Variants in MCTP1 observed in about 807,000 individuals in gnomAD.
MCTP1 encodes multiple C2 and transmembrane domain-containing protein 1.
MCTP1 carries 69 observed loss-of-function variants against 120.6 expected under a neutral mutation model. That is an observed-to-expected ratio of 0.57 (90% CI 0.47 to 0.70). The LOEUF is 0.70. Ranked by LOEUF, MCTP1 falls within the 30% of genes least tolerant of loss-of-function variation. The probability of loss-of-function intolerance (pLI) is 0.00; values close to 1 mark genes in which losing one functional copy is unlikely to be tolerated. For missense variants in MCTP1, 1,203 were observed against 1,248.8 expected, an observed-to-expected ratio of 0.96 and a Z score of 0.55; for synonymous variants, 529 against 493.1, an observed-to-expected ratio of 1.07 and a Z score of -0.96.
chr5:94,762,425 C>T (rs937338352), intron 19 of MCTP1, among the ~76,000 whole-genome samples: 1 of 152,210 alleles, frequency 6.6e-6, no homozygotes, highest in African/African-American at 2.4e-5. Context: ...TTTCCATTTA[C>T]ATTTGTCTTT....
At chr5:95,259,313 T>C (rs933246535) in intron 1 of MCTP1, among the ~76,000 whole-genome samples, 2 of 152,150 alleles carry the variant, frequency 1.3e-5, no homozygotes, top group Non-Finnish European at 2.9e-5. Context: ...TCTTTGCCCA[T>C]GTCAGACGAA....
At chr5:95,122,016 AAATCT>A (rs545517835) in intron 1 of MCTP1, among the ~76,000 whole-genome samples, 1 of 151,882 alleles carries the variant, frequency 6.6e-6, no homozygotes, top group South Asian at 2.1e-4. Flanking sequence ...ATTAAAAATT[AAATCT>A]AAGACCTCAA....
At chr5:95,087,057 C>T (rs557378913) in intron 1 of MCTP1, among the ~76,000 whole-genome samples, 16 of 152,140 alleles carry the variant, frequency 1.1e-4, no homozygotes, top group Non-Finnish European at 2.1e-4. Context: ...GCCAGGAGGA[C>T]GAAAGGGCTC....
At chr5:95,149,982 C>T (rs1760746285) in intron 1 of MCTP1, among the ~76,000 whole-genome samples, 1 of 152,152 alleles carries the variant, frequency 6.6e-6, no homozygotes, top group East Asian at 1.9e-4. Flanking sequence ...CTCTGTTCTC[C>T]ATGTGTCCCT....
At chr5:95,092,908 C>A (rs773054473) in intron 1 of MCTP1, among the ~76,000 whole-genome samples, 3 of 152,158 alleles carry the variant, frequency 2.0e-5, no homozygotes, top group Non-Finnish European at 4.4e-5. Context: ...TTCACAAATT[C>A]TCTCCATAAA....
chr5:94,896,314 G>T (rs1021542304), intron 10 of MCTP1, among the ~76,000 whole-genome samples: 27 of 152,168 alleles, frequency 1.8e-4, no homozygotes, highest in Non-Finnish European at 3.4e-4. Context: ...CTCTGGCTTG[G>T]ATAGGGAGTA....
At chr5:94,856,625 C>G (rs992717446) in intron 17 of MCTP1, among the ~76,000 whole-genome samples, 1 of 151,536 alleles carries the variant, frequency 6.6e-6, no homozygotes, top group Non-Finnish European at 1.5e-5. Context: ...GCAGCAAACC[C>G]GATGAGAAGG....
chr5:94,968,222 GT>G (rs1826027857), intron 2 of MCTP1, among the ~76,000 whole-genome samples: 1 of 152,128 alleles, frequency 6.6e-6, no homozygotes, highest in Non-Finnish European at 1.5e-5. Flanking sequence ...TTTTAAAGGA[GT>G]TATATGGTCA....
At position 94,715,497 on chromosome 5, in the gene MCTP1, G is replaced by A. The variant is rs1027442914; in HGVS notation, c.2611-611C>T. On this transcript the variant is annotated intron_variant, in intron 19 of 22. Coordinates refer to ENST00000515393, the MANE Select transcript of MCTP1 (RefSeq NM_024717.7). Reference sequence around the variant, plus strand: ...AATAGTCTAGTCATATATTTTATACGGTAGTATATGCTGTATTAGGTTCTA... The same window carrying A: ...AATAGTCTAGTCATATATTTTATACAGTAGTATATGCTGTATTAGGTTCTA... Among the ~76,000 whole-genome samples the A allele has an allele frequency of 8.6e-5, 13 of 151,766 alleles. No individual in the cohort carries two copies. In the East Asian group the frequency reaches 1.6e-3, roughly 18 times the overall value.
chr5:94,759,146 C>A lies in MCTP1; in HGVS notation c.2610+19964G>T, dbSNP rs76835846. Among the ~76,000 whole-genome samples the A allele has an allele frequency of 2.2e-4, 34 of 152,204 alleles. 1 individual carries two copies. The East Asian group carries it at 6.4e-3, about 29-fold the overall frequency. ...GCACAGATATATGATCAACTAGGGA[C>A]AAATTTTGATGGAATTATCACCAGA... On this transcript the variant is annotated intron_variant, in intron 19 of 22. Coordinates refer to ENST00000515393, the MANE Select transcript of MCTP1 (RefSeq NM_024717.7).
At chr5:95,240,802 A>AATCTC (rs1249105417) in intron 1 of MCTP1, among the ~76,000 whole-genome samples, 2 of 152,048 alleles carry the variant, frequency 1.3e-5, no homozygotes, top group Non-Finnish European at 2.9e-5. Context: ...CTACCTTTAG[A>AATCTC]ATCTCTTATC....
intron 1 of MCTP1, among the ~76,000 whole-genome samples, chr5:95,078,323 C>T (rs1419254384): frequency 6.6e-6 from 1 of 152,098 alleles, no homozygotes; most frequent in East Asian, 1.9e-4. Flanking sequence ...CTAAAGCTTT[C>T]CTGGGACTGT....
chr5:95,117,714 A>ATAT (rs1757923002), intron 1 of MCTP1, among the ~76,000 whole-genome samples: 1 of 152,218 alleles, frequency 6.6e-6, no homozygotes, highest in Non-Finnish European at 1.5e-5. Flanking sequence ...ACATGTACAC[A>ATAT]TATGTTTACT....
chr5:94,915,995 T>C (rs899606502), intron 8 of MCTP1, among the ~76,000 whole-genome samples: 1 of 152,152 alleles, frequency 6.6e-6, no homozygotes, highest in Non-Finnish European at 1.5e-5. Context: ...TATGGGGACC[T>C]GCACATAAGG....
chr5:94,941,834 T>C (rs960420266), intron 4 of MCTP1, among the ~76,000 whole-genome samples: 8 of 143,462 alleles, frequency 5.6e-5, no homozygotes, highest in African/African-American at 2.0e-4. Flanking sequence ...GTAGTGTAAC[T>C]GAGCAAATAC....
intron 17 of MCTP1, among the ~76,000 whole-genome samples, chr5:94,830,664 C>T (rs1048312352): frequency 1.5e-4 from 23 of 152,160 alleles, no homozygotes; most frequent in African/African-American, 5.6e-4. Context: ...ATATATCTGA[C>T]TAAGTTCCTT....
chr5:95,260,861 A>C (rs1171640464), intron 1 of MCTP1, among the ~76,000 whole-genome samples: 1 of 152,162 alleles, frequency 6.6e-6, no homozygotes, highest in Non-Finnish European at 1.5e-5. Flanking sequence ...CTATTATTGG[A>C]AATGTGAGCA....
intron 1 of MCTP1, among the ~76,000 whole-genome samples, chr5:95,222,531 T>C (rs1753804730): frequency 6.6e-6 from 1 of 152,240 alleles, no homozygotes; most frequent in Admixed American, 6.5e-5. Flanking sequence ...TTTACTTGAG[T>C]TTGATATCTG....
intron 2 of MCTP1, among the ~76,000 whole-genome samples, chr5:95,012,029 T>A (rs2153658807): frequency 6.6e-6 from 1 of 152,236 alleles, no homozygotes; most frequent in South Asian, 2.1e-4. Context: ...GAAATTGTAT[T>A]GAGAAACCAA....
Sources: gnomAD v4.1 joint callset for allele counts (sites outside exome capture counted in the v4.1 genomes callset) on GRCh38, gnomAD v4.1.1 for gene constraint, MANE v1.5 for transcripts, NCBI Gene and HGNC (gene_info 2026-07-23, HGNC 2026-07-21) for gene names.